LIPH: variants seen among roughly 807,000 people sequenced by gnomAD.
LIPH encodes lipase member H.
In LIPH, 32 loss-of-function variants were observed where a neutral mutation model predicts 47.6. The ratio of observed to expected loss-of-function variants is 0.67; its 90% CI spans 0.51 to 0.90. LIPH has a LOEUF of 0.90. Among genes scored for constraint, LIPH ranks in the 40% least tolerant of loss-of-function variants. LIPH has a pLI of 0.00. For synonymous variants in LIPH, 190 were observed against 195.6 expected (o/e 0.97, Z 0.24); for missense variants, 497 against 541.4 (o/e 0.92, Z 0.81).
At chr3:185,551,240 C>T (rs1235776267) in intron 1 of LIPH, among the ~76,000 whole-genome samples, 1 of 152,158 alleles carries the variant, frequency 6.6e-6, no homozygotes, top group Non-Finnish European at 1.5e-5. Flanking sequence ...AAAATATCAT[C>T]ATTGGTATGA....
At chr3:185,547,035 C>T in intron 1 of LIPH, 2 of 380,938 alleles carry the variant, frequency 5.3e-6, no homozygotes, top group Admixed American at 3.6e-5. Flanking sequence ...CTACGATAGT[C>T]AATAAGCAAA....
In LIPH at chr3:185,510,608, C is replaced by T. The variant is rs372733784; in HGVS notation, c.1268+916G>A. Among the ~76,000 whole-genome samples the T allele has an allele frequency of 7.9e-5, 12 of 152,256 alleles. No homozygotes were observed. The East Asian group carries it at 1.3e-3, about 17-fold the overall frequency. On this transcript the variant is annotated intron_variant, in intron 9 of 9. Coordinates refer to ENST00000296252, the MANE Select transcript of LIPH (RefSeq NM_139248.3). Reference sequence around the variant, plus strand: ...TAATACTTTTGTACTGTCAAGGGTACAGTGGCTCATGCCTGTAATCTCAGC... The same window carrying T: ...TAATACTTTTGTACTGTCAAGGGTATAGTGGCTCATGCCTGTAATCTCAGC...
chr3:185,517,177 T>C lies in LIPH; in HGVS notation c.887-15A>G. 7.4e-7 allele frequency: 1 copy of C among 1,350,458 alleles called. No individual in the cohort carries two copies. The highest frequency in any genetic ancestry group is 1.1e-6 in the Non-Finnish European group (1 of 939,680). The allele number at this position is 1,350,458 out of a possible 1,614,324, so 83.7% of individuals were successfully genotyped here. On this transcript the variant is annotated splice_polypyrimidine_tract_variant and intron_variant, in intron 6 of 9. Coordinates refer to ENST00000296252, the MANE Select transcript of LIPH (RefSeq NM_139248.3). ...AGCATAATAGCCTATGAAACAAGTTTAAAAAATTGTAAGATTAATATGTAT... is the reference window on the plus strand; with the variant it reads ...AGCATAATAGCCTATGAAACAAGTTCAAAAAATTGTAAGATTAATATGTAT...
rs1282139839 is a variant in LIPH at position 185,508,348 on chromosome 3, C to T, written c.*442G>A. 6.2e-5 allele frequency: 12 copies of T among 194,240 alleles called. 1 individual carries two copies. In the East Asian group the frequency reaches 1.2e-3, roughly 19 times the overall value. The allele number at this position is 194,240 out of a possible 1,614,324, so 12.0% of individuals were successfully genotyped here. ...CCACACAGCAGCCCCATGAGGTAGACGTCAGTTTCGTTCCCTTCTACGTGT... is the reference window on the plus strand; with the variant it reads ...CCACACAGCAGCCCCATGAGGTAGATGTCAGTTTCGTTCCCTTCTACGTGT... On this transcript the variant is annotated 3_prime_UTR_variant, in exon 10 of 10. Coordinates refer to ENST00000296252, the MANE Select transcript of LIPH (RefSeq NM_139248.3).
intron 7 of LIPH, 33 bp from the exon 8 acceptor site, chr3:185,514,554 A>G: frequency 1.2e-6 from 1 of 843,246 alleles, no homozygotes. Flanking sequence ...GGTAAGAGAG[A>G]GATACTACCA....
chr3:185,542,695 T>C (rs1451230837), intron 1 of LIPH, among the ~76,000 whole-genome samples: 1 of 152,102 alleles, frequency 6.6e-6, no homozygotes, highest in Non-Finnish European at 1.5e-5. Context: ...CTATTCACAA[T>C]AGCAAAGATA....
At chr3:185,538,970 T>A (rs903349676) in intron 1 of LIPH, among the ~76,000 whole-genome samples, 2 of 149,852 alleles carry the variant, frequency 1.3e-5, no homozygotes, top group African/African-American at 4.9e-5. Flanking sequence ...TATATATATT[T>A]TTTTTTATTT....
chr3:185,520,386 G>T (rs374219563), intron 5 of LIPH, among the ~76,000 whole-genome samples: 4 of 151,812 alleles, frequency 2.6e-5, no homozygotes, highest in Admixed American at 1.3e-4. Flanking sequence ...GGGCATGGTG[G>T]CGCGCCTGTA....
chr3:185,522,163 T>C (rs1719912843), intron 5 of LIPH, among the ~76,000 whole-genome samples: 1 of 152,160 alleles, frequency 6.6e-6, no homozygotes, highest in South Asian at 2.1e-4. Context: ...TTGGAGGAAC[T>C]TACATACAGG....
At chr3:185,550,702 T>C (rs1464557995) in intron 1 of LIPH, among the ~76,000 whole-genome samples, 1 of 152,076 alleles carries the variant, frequency 6.6e-6, no homozygotes, top group African/African-American at 2.4e-5. Context: ...CCCGAGTAGC[T>C]GGGATAACAG....
intron 5 of LIPH, 152 bp downstream of exon 5, chr3:185,523,919 A>G (rs1405042741): frequency 1.7e-6 from 1 of 582,792 alleles, no homozygotes; most frequent in Admixed American, 2.7e-5. Flanking sequence ...ATGGGGTTTC[A>G]CTATGTTGGC....
Position 185,535,003 on chromosome 3 carries a change from G to A in LIPH, c.179C>T (p.Ser60Leu). 2 of 1,613,874 alleles carry A rather than the reference G, an allele frequency of 1.2e-6. No homozygotes were observed. Among genetic ancestry groups the A allele is most frequent in the East Asian group, 2.2e-5 (1 of 44,890 alleles). The change falls in exon 2 of 10, where the codon TCA becomes TTA. Residue 60 changes from serine (S) to leucine (L), a missense_variant. Ser to Leu is a moderately radical substitution (Grantham distance 145). Coordinates refer to ENST00000296252, the MANE Select transcript of LIPH (RefSeq NM_139248.3). ...GGTCACATTCAAGTTCCCAAAAGCTGAGGAGTTGATGGTTTGTGCGCAGGT... is the reference window on the plus strand; with the variant it reads ...GGTCACATTCAAGTTCCCAAAAGCTAAGGAGTTGATGGTTTGTGCGCAGGT... The part of the protein sequence containing the change: ...NLTCAQTINS[S>L]AFGNLNVTKK...
rs756469298 is a variant in LIPH, at chr3:185,552,523, A to G, written c.-52T>C. 8.0e-7 allele frequency: 1 copy of G among 1,255,512 alleles called. No homozygotes were observed. The highest frequency in any genetic ancestry group is 1.7e-5 in the Admixed American group (1 of 59,374). 77.8% of individuals were successfully genotyped at this position (1,255,512 alleles called of 1,614,324 possible). A position where few individuals can be genotyped will look rare whatever the true frequency, so the allele number is the denominator to read the frequency against. ...CATTCACAAGAATGATTTACTTCGC[A>G]GAGGCTTAAGAGTTTCCACTGTGGG... On this transcript the variant is annotated 5_prime_UTR_variant, in exon 1 of 10. Coordinates refer to ENST00000296252, the MANE Select transcript of LIPH (RefSeq NM_139248.3).
In LIPH at chr3:185,524,071, C is replaced by G; in HGVS notation, c.718G>C (p.Gly240Arg). The change falls in exon 5 of 10, where the codon GGA becomes CGA. Residue 240 changes from glycine (G) to arginine (R), a missense_variant and splice_region_variant. By Grantham distance (125) the Gly-to-Arg change is moderately radical. Coordinates refer to ENST00000296252, the MANE Select transcript of LIPH (RefSeq NM_139248.3). The stretch of plus-strand genomic sequence containing the variant: ...TATTTTACAAAATATAAAGGCTTAC[C>G]TCCCAATATTGTTTTGGGGCAGCCA... ...QPGCPKTILG[G>R]FQYFKCDHQR... The G allele has an allele frequency of 6.2e-7, 1 of 1,606,622 alleles. No individual in the cohort carries two copies. The highest frequency in any genetic ancestry group is 8.5e-7 in the Non-Finnish European group (1 of 1,173,198).
intron 6 of LIPH, among the ~76,000 whole-genome samples, chr3:185,518,323 A>G (rs1310844292): frequency 6.6e-6 from 1 of 152,050 alleles, no homozygotes; most frequent in Non-Finnish European, 1.5e-5. Flanking sequence ...CTTGTTGCCC[A>G]GGCTGGAGTG....
intron 1 of LIPH, among the ~76,000 whole-genome samples, chr3:185,538,872 C>T (rs973905886): frequency 2.5e-4 from 35 of 141,782 alleles, no homozygotes; most frequent in Non-Finnish European, 1.1e-4. Flanking sequence ...TACATATATA[C>T]ACATATATAT....
intron 1 of LIPH, among the ~76,000 whole-genome samples, chr3:185,543,713 C>T (rs777853033): frequency 6.6e-5 from 10 of 152,162 alleles, no homozygotes; most frequent in Non-Finnish European, 1.3e-4. Flanking sequence ...GACTCCATAA[C>T]TATTTTTTTG....
chr3:185,517,730 G>A (rs906423532), intron 6 of LIPH, among the ~76,000 whole-genome samples: 1 of 152,012 alleles, frequency 6.6e-6, no homozygotes, highest in African/African-American at 2.4e-5. Context: ...ATCCAGGGTG[G>A]GACCCAGGCA....
Position 185,514,983 on chromosome 3 carries a change from G to C in LIPH, c.983-462C>G, listed in dbSNP as rs1432371379. Among the ~76,000 whole-genome samples the C allele has an allele frequency of 3.9e-5, 6 of 152,006 alleles. No homozygotes were observed. The East Asian group carries it at 1.2e-3, about 29-fold the overall frequency. ...CACCTGCACTCCCTGCACTGTGAAGGCTCCTGGGCCTTCACCCACCTGGGC... is the reference window on the plus strand; with the variant it reads ...CACCTGCACTCCCTGCACTGTGAAGCCTCCTGGGCCTTCACCCACCTGGGC... On this transcript the variant is annotated intron_variant, in intron 7 of 9. Coordinates refer to ENST00000296252, the MANE Select transcript of LIPH (RefSeq NM_139248.3).
Sources: gnomAD v4.1 joint callset for allele counts (sites outside exome capture counted in the v4.1 genomes callset) on GRCh38, gnomAD v4.1.1 for gene constraint, MANE v1.5 for transcripts, NCBI Gene and HGNC (gene_info 2026-07-23, HGNC 2026-07-21) for gene names.